Variants in ISL1 observed in about 807,000 individuals in gnomAD.
ISL1 encodes the protein ISL LIM homeobox 1, also known as insulin gene enhancer protein ISL-1.
Under a neutral mutation model 35.3 loss-of-function variants are expected in ISL1, and 4 were observed. The observed-to-expected ratio is 0.11, with a 90% confidence interval of 0.06 to 0.26. The LOEUF (loss-of-function observed/expected upper bound fraction) is 0.26, where lower values mean the gene tolerates loss of function less well. ISL1 is among the 10% of genes least tolerant of loss of function. ISL1 has a pLI of 1.00. For synonymous variants in ISL1, 186 were observed against 172.3 expected (o/e 1.08, Z -0.62); for missense variants, 340 against 472.8 (o/e 0.72, Z 2.60).
chr5:51,385,265 C>A (rs1407392785), intron 2 of ISL1, among the ~76,000 whole-genome samples: 6 of 152,154 alleles, frequency 3.9e-5, no homozygotes. Flanking sequence ...TGGGGTAAGA[C>A]CTCCTTCTGA....
In ISL1 at chr5:51,389,958, G is replaced by C; in HGVS notation, c.765+26G>C. On this transcript the variant is annotated intron_variant, in intron 4 of 5. Coordinates refer to ENST00000230658, the MANE Select transcript of ISL1 (RefSeq NM_002202.3). This position sits in a 1 kb window ranked among gnomAD's most constrained non-coding sequence, Gnocchi z 5.0. ...GTGAGTGGCTCTGGGGCCGGGCAGG[G>C]AATGCGAGGGGGAAGGAGACGCAGC... 6.2e-7 allele frequency: 1 copy of C among 1,610,464 alleles called. No homozygotes were observed. The highest frequency in any genetic ancestry group is 2.2e-5 in the East Asian group (1 of 44,758).
rs751377287 is a variant in ISL1, at chr5:51,393,516, C to T, written c.956C>T (p.Pro319Leu). ...QQLVNFSEGG[P>L]GSNSTGSEVA... is the part of the protein sequence containing the mutation. ...CAGGTCAATTTTTCAGAAGGAGGAC[C>T]GGGCTCTAATTCCACTGGCAGTGAA... The change falls in exon 6 of 6, where the codon CCG becomes CTG. Residue 319 changes from proline to leucine, a missense_variant. Physicochemically the swap from Pro to Leu is moderately conservative, Grantham distance 98. This residue lies in a region of ISL1 where 104 missense variants were observed against 97.3 expected (regional missense o/e 1.07). Coordinates refer to ENST00000230658, the MANE Select transcript of ISL1 (RefSeq NM_002202.3). The T allele has an allele frequency of 2.5e-6, 4 of 1,612,772 alleles. No individual in the cohort carries two copies. Among genetic ancestry groups the T allele is most frequent in the Non-Finnish European group, 2.5e-6 (3 of 1,178,816 alleles).
chr5:51,391,955 C>T (rs1747526145), intron 5 of ISL1, among the ~76,000 whole-genome samples: 1 of 152,108 alleles, frequency 6.6e-6, no homozygotes, highest in South Asian at 2.1e-4. Context: ...AGGCATGTGT[C>T]TGGGTACAAT....
chr5:51,383,769 C>A, intron 1 of ISL1, 70 bp downstream of exon 1: 1 of 1,351,472 alleles, frequency 7.4e-7, no homozygotes, highest in Non-Finnish European at 1.1e-6. Flanking sequence ...CAGGCACAGG[C>A]TGAGGTGCCA....
intron 4 of ISL1, among the ~76,000 whole-genome samples, chr5:51,390,955 G>T (rs147552439): frequency 6.6e-6 from 1 of 151,990 alleles, no homozygotes; most frequent in East Asian, 2.0e-4. Context: ...TTAGTTCTGG[G>T]AAGCTATGGT....
At position 51,383,448 on chromosome 5, in the gene ISL1, G is replaced by C. The variant is rs1365788240; in HGVS notation, c.-224G>C. 3 of 615,270 alleles carry C rather than the reference G, an allele frequency of 4.9e-6. No homozygotes were observed. Among genetic ancestry groups the C allele is most frequent in the Non-Finnish European group, 8.7e-6 (3 of 345,226 alleles). The allele number at this position is 615,270 out of a possible 1,614,324, so 38.1% of individuals were successfully genotyped here. ...GGAAGAGAGGTGCCCGAGCCGCGCC[G>C]AGTCTGCCGCCGCCGCAGCGCCTCC... On this transcript the variant is annotated 5_prime_UTR_variant, in exon 1 of 6. Coordinates refer to ENST00000230658, the MANE Select transcript of ISL1 (RefSeq NM_002202.3).
chr5:51,387,490 G>T lies in ISL1; in HGVS notation c.219G>T (p.Arg73Ser). ...GKTYCKRDYI[R>S]LYGIKCAKCS... ...CTCCGCTCCCCCCTCCCCCGCACAG[G>T]TTGTACGGGATCAAATGCGCCAAGT... The change falls in exon 3 of 6, where the codon AGG (arginine) becomes AGT (serine). Residue 73 changes from arginine (R) to serine (S), a missense_variant and splice_region_variant. Transcript: ENST00000230658. This position sits in a 1 kb window ranked among gnomAD's most constrained non-coding sequence, Gnocchi z 4.3. 1 of 1,614,016 alleles carries T rather than the reference G, an allele frequency of 6.2e-7. No individual in the cohort carries two copies. Among genetic ancestry groups the T allele is most frequent in the East Asian group, 2.2e-5 (1 of 44,860 alleles).
intron 4 of ISL1, 109 bp downstream of exon 4, chr5:51,390,041 A>G (rs1747452795): frequency 1.5e-6 from 2 of 1,328,662 alleles, no homozygotes; most frequent in Non-Finnish European, 2.1e-6. Context: ...GCTCCTGGGC[A>G]GGAGTTTGGC....
At chr5:51,388,552 G>A (rs1419969267) in intron 3 of ISL1, among the ~76,000 whole-genome samples, 4 of 152,226 alleles carry the variant, frequency 2.6e-5, no homozygotes, top group Non-Finnish European at 5.9e-5. Context: ...AGGAAGAGGA[G>A]TGGAAACACA....
intron 2 of ISL1, among the ~76,000 whole-genome samples, chr5:51,385,878 A>G (rs1308847873): frequency 1.3e-5 from 2 of 152,222 alleles, no homozygotes; most frequent in Non-Finnish European, 2.9e-5. Context: ...TTAAGATTTA[A>G]TATACAGTCA....
In ISL1 at chr5:51,387,776, C is replaced by A. The variant is rs747631086; in HGVS notation, c.478+27C>A. 2 of 1,612,044 alleles carry A rather than the reference C, an allele frequency of 1.2e-6. No homozygotes were observed. Among genetic ancestry groups the A allele is most frequent in the East Asian group, 4.5e-5 (2 of 44,834 alleles). Reference sequence around the variant, plus strand: ...TACTCCTCTGCCCGGCTCGGGTAGGCAGGCGCCAGGTTAAGCCAGCCTGTG... The same window carrying A: ...TACTCCTCTGCCCGGCTCGGGTAGGAAGGCGCCAGGTTAAGCCAGCCTGTG... On this transcript the variant is annotated intron_variant, in intron 3 of 5. Transcript: ENST00000230658. This position sits in a 1 kb window ranked among gnomAD's most constrained non-coding sequence, Gnocchi z 4.3.
At chr5:51,390,681 A>C (rs1450351591) in intron 4 of ISL1, among the ~76,000 whole-genome samples, 3 of 22,268 alleles carry the variant, frequency 1.3e-4, no homozygotes, top group Non-Finnish European at 2.9e-4. Flanking sequence ...TTTTTTTTTT[A>C]CTGCTTTGGA....
At chr5:51,388,002 A>G (rs1747392188) in intron 3 of ISL1, among the ~76,000 whole-genome samples, 1 of 152,264 alleles carries the variant, frequency 6.6e-6, no homozygotes, top group Non-Finnish European at 1.5e-5. Context: ...AATGTACACC[A>G]CTTGTGTACA....
At position 51,393,624 on chromosome 5, in the gene ISL1, T is replaced by C; in HGVS notation, c.*14T>C. 1 of 1,499,780 alleles carries C rather than the reference T, an allele frequency of 6.7e-7. No individual in the cohort carries two copies. Among genetic ancestry groups the C allele is most frequent in the South Asian group, 1.1e-5 (1 of 88,828 alleles). The allele number at this position is 1,499,780 out of a possible 1,614,324, so 92.9% of individuals were successfully genotyped here. On this transcript the variant is annotated 3_prime_UTR_variant, in exon 6 of 6. Transcript: ENST00000230658. ...ATTGAGGCATGAGGAACATTCATTC[T>C]GTATTTTTTTTCCCTGTTGGAGAAA...
At chr5:51,385,527 C>T (rs1747322545) in intron 2 of ISL1, among the ~76,000 whole-genome samples, 1 of 151,750 alleles carries the variant, frequency 6.6e-6, no homozygotes, top group Admixed American at 6.6e-5. Flanking sequence ...ATTGACAAGA[C>T]TGAAACAACA....
chr5:51,383,562 C>A lies in ISL1; in HGVS notation c.-110C>A. The A allele has an allele frequency of 1.0e-6, 1 of 957,714 alleles. No homozygotes were observed. Among genetic ancestry groups the A allele is most frequent in the Non-Finnish European group, 1.7e-6 (1 of 581,736 alleles). 59.3% of individuals were successfully genotyped at this position (957,714 alleles called of 1,614,324 possible). On this transcript the variant is annotated 5_prime_UTR_variant, in exon 1 of 6. Coordinates refer to ENST00000230658, the MANE Select transcript of ISL1 (RefSeq NM_002202.3). ...CAGCGGCTCTTTCAGCATTGGCAAC[C>A]CCAGGGGCCAATATTTCCCACTTAG...
chr5:51,388,281 A>G (rs1747402872), intron 3 of ISL1, among the ~76,000 whole-genome samples: 1 of 152,222 alleles, frequency 6.6e-6, no homozygotes, highest in Non-Finnish European at 1.5e-5. Context: ...GTGAGAGAAC[A>G]GGACTGAAAA....
intron 5 of ISL1, among the ~76,000 whole-genome samples, chr5:51,392,422 T>G (rs1246244808): frequency 1.3e-5 from 2 of 152,160 alleles, no homozygotes; most frequent in Non-Finnish European, 2.9e-5. Context: ...GAGGTTAGCT[T>G]TTTACCCTCA....
chr5:51,386,623 C>G, intron 2 of ISL1: 1 of 456,044 alleles, frequency 2.2e-6, no homozygotes, highest in Non-Finnish European at 4.4e-6. Context: ...AAGATTGTCC[C>G]TTGGTAAGGA....
Sources: allele counts gnomAD v4.1 joint callset (sites outside exome capture counted in the v4.1 genomes callset), GRCh38; gene constraint gnomAD v4.1.1; regional missense constraint gnomAD v4.1.1; non-coding constraint Gnocchi (gnomAD v3.1); transcripts MANE v1.5; gene names NCBI Gene and HGNC (gene_info 2026-07-23, HGNC 2026-07-21).